Variants in PPIL6 observed in about 807,000 individuals in gnomAD.
PPIL6 encodes probable inactive peptidyl-prolyl cis-trans isomerase-like 6.
In PPIL6, 39 loss-of-function variants were observed where a neutral mutation model predicts 36.8. The ratio of observed to expected loss-of-function variants is 1.06; its 90% CI spans 0.82 to 1.38. PPIL6 has a LOEUF of 1.38. Ranked by LOEUF, PPIL6 falls within the 40% of genes most tolerant of loss-of-function variation. PPIL6 has a pLI of 0.00. For missense variants in PPIL6, 368 were observed against 379.1 expected, an observed-to-expected ratio of 0.97 and a Z score of 0.24; for synonymous variants, 123 against 134.1, an observed-to-expected ratio of 0.92 and a Z score of 0.57.
At chr6:109,415,559 T>C (rs768008395) in intron 6 of PPIL6, among the ~76,000 whole-genome samples, 1 of 152,230 alleles carries the variant, frequency 6.6e-6, no homozygotes, top group Non-Finnish European at 1.5e-5. Flanking sequence ...TCTTTGATGA[T>C]TTCCTTGATG....
chr6:109,434,382 C>T (rs1774331481), intron 2 of PPIL6, among the ~76,000 whole-genome samples: 1 of 151,900 alleles, frequency 6.6e-6, no homozygotes, highest in Non-Finnish European at 1.5e-5. Context: ...ATAGCGAGAC[C>T]CTGTTTCTAC....
intron 1 of PPIL6, 23 bp downstream of exon 1, chr6:109,440,433 G>T: frequency 1.3e-6 from 2 of 1,537,720 alleles, no homozygotes; most frequent in South Asian, 1.2e-5. Context: ...GGCCGCCCAC[G>T]ACGGAGGTTT....
In PPIL6 at chr6:109,392,818, T is replaced by C; in HGVS notation, c.*8A>G. On this transcript the variant is annotated 3_prime_UTR_variant, in exon 8 of 8. Coordinates refer to ENST00000521072, the MANE Select transcript of PPIL6 (RefSeq NM_173672.5). ...AATAAATTATCACAGAAAATATTGA[T>C]ATGAAAATCAAGCATAAGGATCTCC... 7.4e-7 allele frequency: 1 copy of C among 1,351,012 alleles called. No individual in the cohort carries two copies. The highest frequency in any genetic ancestry group is 1.0e-6 in the Non-Finnish European group (1 of 960,670). 83.7% of individuals were successfully genotyped at this position (1,351,012 alleles called of 1,614,324 possible).
intron 6 of PPIL6, among the ~76,000 whole-genome samples, chr6:109,414,657 G>T (rs1350114062): frequency 1.3e-5 from 2 of 151,188 alleles, no homozygotes; most frequent in Non-Finnish European, 3.0e-5. Flanking sequence ...GCTAATTTTT[G>T]TATTTTTTGT....
chr6:109,432,313 C>T (rs772283613), intron 2 of PPIL6, among the ~76,000 whole-genome samples: 2 of 152,112 alleles, frequency 1.3e-5, no homozygotes, highest in Non-Finnish European at 1.5e-5. Context: ...ACTCACCTTC[C>T]TCAGCACAGT....
intron 1 of PPIL6, among the ~76,000 whole-genome samples, chr6:109,436,672 G>GA (rs1375651826): frequency 6.6e-6 from 1 of 152,148 alleles, no homozygotes; most frequent in Non-Finnish European, 1.5e-5. Flanking sequence ...AGTGAGCAGA[G>GA]ATCACGCCAC....
rs746794 is a variant in PPIL6 at position 109,391,534 on chromosome 6, G to C, written c.*1292C>G. On this transcript the variant is annotated 3_prime_UTR_variant, in exon 8 of 8. Coordinates refer to ENST00000521072, the MANE Select transcript of PPIL6 (RefSeq NM_173672.5). ...AAAGAGCTAAATGAACACAGAATCT[G>C]TGCCCCACGCCTGGGAACCCTGGGG... 79,216 of 151,538 alleles carry C rather than the reference G, an allele frequency of 0.52. 21,812 individuals carry two copies. The highest frequency in any genetic ancestry group is 0.71 in the African/African-American group (29,413 of 41,298). 9.4% of individuals were successfully genotyped at this position (151,538 alleles called of 1,614,324 possible).
intron 6 of PPIL6, among the ~76,000 whole-genome samples, chr6:109,400,579 C>T (rs1354620740): frequency 1.3e-5 from 2 of 152,152 alleles, no homozygotes; most frequent in African/African-American, 4.8e-5. Context: ...CCTGACCTTT[C>T]CCCCGAACCC....
At chr6:109,430,674 C>G (rs549761268) in intron 3 of PPIL6, among the ~76,000 whole-genome samples, 50 of 152,320 alleles carry the variant, frequency 3.3e-4, no homozygotes, top group Admixed American at 1.8e-3. Flanking sequence ...ATCCACCTGC[C>G]TTGGCCTCCC....
At chr6:109,416,512 CTTTT>C (rs35346449) in intron 6 of PPIL6, among the ~76,000 whole-genome samples, 4 of 139,276 alleles carry the variant, frequency 2.9e-5, no homozygotes, top group Admixed American at 2.1e-4. Flanking sequence ...CTTTTTGTGG[CTTTT>C]TTTTTTTTTT....
rs77634662 is a variant in PPIL6, at chr6:109,410,301, A to G, written c.688+8886T>C. 1.7e-4 allele frequency among the ~76,000 whole-genome samples: 26 copies of G among 152,242 alleles called. No homozygotes were observed. In the East Asian group the frequency reaches 4.4e-3, roughly 26 times the overall value. On this transcript the variant is annotated intron_variant, in intron 6 of 7. Transcript: ENST00000521072. ...GGTGTAGAGGCCATGCTAAGGCCCA[A>G]CGGAACACCATGTTGTCACTGTTCA...
chr6:109,394,209 A>G (rs1381330070), intron 7 of PPIL6, among the ~76,000 whole-genome samples: 1 of 152,040 alleles, frequency 6.6e-6, no homozygotes, highest in Non-Finnish European at 1.5e-5. Context: ...CCTGTCTCTA[A>G]TAAAATACCA....
intron 1 of PPIL6, chr6:109,440,147 C>A: frequency 4.8e-6 from 2 of 420,118 alleles, no homozygotes; most frequent in Non-Finnish European, 8.9e-6. Flanking sequence ...ACAAAATCTG[C>A]GGGTGTGTGT....
At chr6:109,439,913 G>A (rs1436666718) in intron 1 of PPIL6, among the ~76,000 whole-genome samples, 1 of 152,088 alleles carries the variant, frequency 6.6e-6, no homozygotes, top group Non-Finnish European at 1.5e-5. Context: ...GTATCGTTCT[G>A]AGTGTTTACA....
chr6:109,416,551 G>A (rs1281716701), intron 6 of PPIL6, among the ~76,000 whole-genome samples: 1 of 146,760 alleles, frequency 6.8e-6, no homozygotes, highest in Non-Finnish European at 1.5e-5. Flanking sequence ...ACTTTTGTCT[G>A]CCATAAAACT....
intron 6 of PPIL6, among the ~76,000 whole-genome samples, chr6:109,409,039 A>G (rs1293360072): frequency 1.3e-5 from 2 of 152,254 alleles, no homozygotes. Flanking sequence ...AGCAGGACTT[A>G]TCCTTGAGAT....
chr6:109,433,103 C>G (rs892033884), intron 2 of PPIL6, among the ~76,000 whole-genome samples: 1 of 151,130 alleles, frequency 6.6e-6, no homozygotes, highest in Non-Finnish European at 1.5e-5. Context: ...GTCACCCAGG[C>G]TGGAGTGCAA....
At chr6:109,440,734 G>T (rs1582620347), upstream of PPIL6, 1 of 499,300 alleles carries the variant, frequency 2.0e-6, no homozygotes, top group East Asian at 6.4e-5. Flanking sequence ...CCTCAACTTT[G>T]CGCCTGTTGC....
At chr6:109,397,554 C>A (rs1029552770) in intron 7 of PPIL6, among the ~76,000 whole-genome samples, 2 of 152,138 alleles carry the variant, frequency 1.3e-5, no homozygotes, top group African/African-American at 4.8e-5. Flanking sequence ...TTCCCCAGCA[C>A]TGAGTACCAT....
Sources: allele counts gnomAD v4.1 joint callset (sites outside exome capture counted in the v4.1 genomes callset), GRCh38; gene constraint gnomAD v4.1.1; transcripts MANE v1.5; gene names NCBI Gene and HGNC (gene_info 2026-07-23, HGNC 2026-07-21).